Variants in ARL15 observed in about 807,000 individuals in gnomAD.
ARL15 encodes the protein ARF like GTPase 15, also known as ADP-ribosylation factor-like protein 15.
A neutral mutation model predicts 25.2 loss-of-function variants in ARL15; 19 were observed. The ratio of observed to expected loss-of-function variants is 0.75; its 90% CI spans 0.53 to 1.10. ARL15 has a LOEUF of 1.10. Among genes scored for constraint, ARL15 ranks in the 50% least tolerant of loss-of-function variants. The pLI is 0.00. For missense variants in ARL15, 220 were observed against 246.0 expected (o/e 0.89, Z 0.71); for synonymous variants, 94 against 86.8 (o/e 1.08, Z -0.46).
At chr5:54,300,948 T>C (rs775915188) in intron 1 of ARL15, among the ~76,000 whole-genome samples, 2 of 152,214 alleles carry the variant, frequency 1.3e-5, no homozygotes, top group Non-Finnish European at 2.9e-5. Context: ...ACAGAACCCC[T>C]GAAGTCCCTT....
At chr5:54,131,873 A>G (rs1224381865) in intron 3 of ARL15, among the ~76,000 whole-genome samples, 2 of 151,828 alleles carry the variant, frequency 1.3e-5, no homozygotes, top group African/African-American at 2.4e-5. Flanking sequence ...ACTGCACTCC[A>G]GCCTGGGCCA....
At chr5:54,167,057 C>A (rs768027819) in intron 2 of ARL15, among the ~76,000 whole-genome samples, 1 of 152,194 alleles carries the variant, frequency 6.6e-6, no homozygotes, top group Non-Finnish European at 1.5e-5. Flanking sequence ...TTGCCAAGTA[C>A]TCTACCCAGT....
chr5:54,197,983 G>C (rs1755601821), intron 1 of ARL15, among the ~76,000 whole-genome samples: 1 of 151,738 alleles, frequency 6.6e-6, no homozygotes, highest in South Asian at 2.1e-4. Flanking sequence ...ATGCAAGGCT[G>C]GTTCAATATA....
intron 1 of ARL15, among the ~76,000 whole-genome samples, chr5:54,279,195 C>G (rs1757993148): frequency 6.9e-6 from 1 of 144,372 alleles, no homozygotes; most frequent in African/African-American, 2.7e-5. Context: ...GCAACAGGAG[C>G]TAATAAGAGT....
chr5:54,086,568 T>A (rs1751971507), intron 4 of ARL15, among the ~76,000 whole-genome samples: 1 of 152,182 alleles, frequency 6.6e-6, no homozygotes, highest in South Asian at 2.1e-4. Flanking sequence ...AACTGTAATG[T>A]ATTTTATGAT....
intron 1 of ARL15, among the ~76,000 whole-genome samples, chr5:54,296,409 C>T (rs576884654): frequency 1.4e-4 from 21 of 152,310 alleles, no homozygotes; most frequent in African/African-American, 2.9e-4. Context: ...GAAACAGGCA[C>T]GGAGGCTGCA....
chr5:53,909,454 C>G (rs1306434556), intron 4 of ARL15, among the ~76,000 whole-genome samples: 3 of 152,174 alleles, frequency 2.0e-5, no homozygotes, highest in Non-Finnish European at 2.9e-5. Flanking sequence ...CGCCAGTAAT[C>G]CCAGCACTTA....
In ARL15 at chr5:54,253,035, G is replaced by T. The variant is rs554128089; in HGVS notation, c.48+57397C>A. On this transcript the variant is annotated intron_variant, in intron 1 of 4. Transcript: ENST00000504924. ...CCATCATGCCTGGCCCAGAGGTCAAGTTTTTTTTTTTAAAAAAGCAAGAAT... is the reference window on the plus strand; with the variant it reads ...CCATCATGCCTGGCCCAGAGGTCAATTTTTTTTTTTTAAAAAAGCAAGAAT... Among the ~76,000 whole-genome samples the T allele has an allele frequency of 8.4e-3, 1,268 of 150,540 alleles. 26 individuals carry two copies. The highest frequency in any genetic ancestry group is 0.029 in the African/African-American group (1,208 of 41,112).
chr5:54,300,064 C>G (rs2112710244), intron 1 of ARL15, among the ~76,000 whole-genome samples: 1 of 152,200 alleles, frequency 6.6e-6, no homozygotes, highest in Admixed American at 6.5e-5. Context: ...AGTGCATGAC[C>G]CCATTACCCA....
At chr5:54,157,280 T>C (rs1177605116) in intron 2 of ARL15, among the ~76,000 whole-genome samples, 1 of 152,258 alleles carries the variant, frequency 6.6e-6, no homozygotes, top group Non-Finnish European at 1.5e-5. Flanking sequence ...ATACAACTTT[T>C]GAAATTTATT....
intron 1 of ARL15, among the ~76,000 whole-genome samples, chr5:54,237,021 A>C (rs927406690): frequency 6.6e-6 from 1 of 152,118 alleles, no homozygotes; most frequent in Non-Finnish European, 1.5e-5. Context: ...CACTCTTTTC[A>C]CTTCTGATAT....
chr5:54,119,886 G>A (rs1048277000), intron 3 of ARL15, among the ~76,000 whole-genome samples: 25 of 152,102 alleles, frequency 1.6e-4, no homozygotes, highest in Admixed American at 7.2e-4. Flanking sequence ...TTGCAGCTGG[G>A]AATAATTTCT....
chr5:54,219,288 A>C (rs1321861225), intron 1 of ARL15, among the ~76,000 whole-genome samples: 1 of 152,230 alleles, frequency 6.6e-6, no homozygotes, highest in African/African-American at 2.4e-5. Context: ...TTCTCTATGT[A>C]GGGAATGGAG....
chr5:54,214,468 G>A (rs1308315637), intron 1 of ARL15, among the ~76,000 whole-genome samples: 1 of 152,028 alleles, frequency 6.6e-6, no homozygotes, highest in Non-Finnish European at 1.5e-5. Context: ...TGTCCTCTGT[G>A]GCCATCTCAG....
chr5:54,074,356 G>A (rs1468231110), intron 4 of ARL15, among the ~76,000 whole-genome samples: 2 of 152,164 alleles, frequency 1.3e-5, no homozygotes, highest in African/African-American at 4.8e-5. Flanking sequence ...AATCATTTCT[G>A]TTCCTTTTCT....
At chr5:53,991,755 A>G (rs1748508323) in intron 4 of ARL15, among the ~76,000 whole-genome samples, 1 of 151,892 alleles carries the variant, frequency 6.6e-6, no homozygotes, top group African/African-American at 2.4e-5. Flanking sequence ...TGATTCATGA[A>G]TCTCCCACGT....
intron 1 of ARL15, among the ~76,000 whole-genome samples, chr5:54,206,228 G>A (rs748387160): frequency 1.3e-5 from 2 of 152,152 alleles, no homozygotes; most frequent in Non-Finnish European, 2.9e-5. Flanking sequence ...AGGACTTCTC[G>A]AAGCTTGAAA....
chr5:53,965,506 G>A (rs977784263), intron 4 of ARL15, among the ~76,000 whole-genome samples: 1 of 152,134 alleles, frequency 6.6e-6, no homozygotes, highest in African/African-American at 2.4e-5. Context: ...AGGTGGGGGG[G>A]ACTTGTGTTG....
chr5:54,310,355 G>T, intron 1 of ARL15, 77 bp downstream of exon 1: 2 of 1,489,322 alleles, frequency 1.3e-6, no homozygotes, highest in African/African-American at 2.8e-5. Flanking sequence ...AAAGCAAAAA[G>T]GCTGCTCCTC....
Sources: gnomAD v4.1 joint callset for allele counts (sites outside exome capture counted in the v4.1 genomes callset) on GRCh38, gnomAD v4.1.1 for gene constraint, MANE v1.5 for transcripts, NCBI Gene and HGNC (gene_info 2026-07-23, HGNC 2026-07-21) for gene names.